The following CASR variants were observed in gnomAD, a reference collection of about 807,000 sequenced individuals.
CASR encodes the protein calcium sensing receptor.
In CASR, 23 loss-of-function variants were observed where a neutral mutation model predicts 69.1. That is an observed-to-expected ratio of 0.33 (90% CI 0.24 to 0.47). The LOEUF is 0.47. Ranked by LOEUF, CASR falls within the 20% of genes least tolerant of loss-of-function variation. The pLI, the probability that CASR is intolerant of heterozygous loss-of-function variation, is 1.00. For synonymous variants in CASR, 541 were observed against 544.7 expected (o/e 0.99, Z 0.10); for missense variants, 924 against 1,356.1 (o/e 0.68, Z 5.00).
intron 5 of CASR, 24 bp downstream of exon 5, chr3:122,276,066 C>T (rs2074816702): frequency 6.9e-7 from 1 of 1,445,338 alleles, no homozygotes; most frequent in African/African-American, 1.4e-5. Context: ...ATCAGAAAAC[C>T]AGATGTCTCC....
chr3:122,254,091 G>T lies in CASR; in HGVS notation c.-99G>T. On this transcript the variant is annotated 5_prime_UTR_variant, in exon 2 of 7. Coordinates refer to ENST00000639785, the MANE Select transcript of CASR (RefSeq NM_000388.4). ...TTTATTAATCAATCTGTAGACATGT[G>T]TCCCCACTGCAGGGAGTGAACTGCT... 1 of 986,608 alleles carries T rather than the reference G, an allele frequency of 1.0e-6. No homozygotes were observed. 61.1% of individuals were successfully genotyped at this position (986,608 alleles called of 1,614,324 possible).
In CASR at chr3:122,284,028, A is replaced by G; in HGVS notation, c.2074A>G (p.Ile692Val). Residue 692 changes from isoleucine to valine, a missense_variant, in exon 7 of 7, where the codon ATC (isoleucine) becomes GTC (valine). Physicochemically the swap from Ile to Val is conservative, Grantham distance 29. This residue lies in a region of CASR where 184 missense variants were observed against 278.8 expected (regional missense o/e 0.66). Coordinates refer to ENST00000639785, the MANE Select transcript of CASR (RefSeq NM_000388.4). ...CTTTGGCATCAGCTTCGTGCTCTGC[A>G]TCTCATGCATCCTGGTGAAAACCAA... ...PAFGISFVLCISCILVKTNRV... is the reference protein window; with the variant it reads ...PAFGISFVLCVSCILVKTNRV... 3 of 1,614,108 alleles carry G rather than the reference A, an allele frequency of 1.9e-6. No individual in the cohort carries two copies. Among genetic ancestry groups the G allele is most frequent in the Non-Finnish European group, 2.5e-6 (3 of 1,180,004 alleles).
intron 5 of CASR, 86 bp downstream of exon 5, chr3:122,276,128 C>A: frequency 1.2e-6 from 1 of 859,076 alleles, no homozygotes; most frequent in East Asian, 2.5e-5. Context: ...GGTTTCCCCA[C>A]TGGACTTCCA....
At chr3:122,254,470 AT>A in intron 2 of CASR, 96 bp downstream of exon 2, 1 of 1,261,620 alleles carries the variant, frequency 7.9e-7, no homozygotes, top group Non-Finnish European at 1.1e-6. Context: ...ACTTTGTCCT[AT>A]CTTTTCAAGA....
At chr3:122,234,861 C>A (rs567992804) in intron 1 of CASR, among the ~76,000 whole-genome samples, 2 of 152,238 alleles carry the variant, frequency 1.3e-5, no homozygotes, top group African/African-American at 4.8e-5. Context: ...CTCATAGAGA[C>A]AACTGAATGT....
chr3:122,240,497 A>G (rs1262835473), intron 1 of CASR, among the ~76,000 whole-genome samples: 1 of 152,210 alleles, frequency 6.6e-6, no homozygotes, highest in East Asian at 1.9e-4. Context: ...ACAATTTTAA[A>G]TATATATGCA....
intron 1 of CASR, among the ~76,000 whole-genome samples, chr3:122,231,374 T>G (rs2074276708): frequency 6.6e-6 from 1 of 152,226 alleles, no homozygotes; most frequent in South Asian, 2.1e-4. Context: ...AGGCACTGTT[T>G]GGGAAGAGAG....
intron 1 of CASR, among the ~76,000 whole-genome samples, chr3:122,242,904 C>A (rs914155970): frequency 2.6e-5 from 4 of 152,054 alleles, no homozygotes; most frequent in African/African-American, 9.7e-5. Context: ...GACAAAGGTG[C>A]CAAGAACATG....
intron 1 of CASR, among the ~76,000 whole-genome samples, chr3:122,210,726 A>G (rs1421622440): frequency 2.0e-5 from 3 of 152,200 alleles, no homozygotes; most frequent in African/African-American, 7.2e-5. Context: ...ACAGAATTAG[A>G]AAAAACCACT....
At chr3:122,277,048 C>CT (rs11341423) in intron 5 of CASR, among the ~76,000 whole-genome samples, 1,510 of 129,476 alleles carry the variant, frequency 0.012, 19 homozygotes, top group East Asian at 0.04. Flanking sequence ...GACCACTTTT[C>CT]TTTTTTTTTT....
chr3:122,284,150 C>A lies in CASR; in HGVS notation c.2196C>A (p.Thr732=). ...NLQFLLVFLC[T]FMQIVICVIW... The stretch of plus-strand genomic sequence containing the variant: ...AGTTCCTGCTGGTTTTCCTCTGCAC[C>A]TTCATGCAGATTGTCATCTGTGTGA... Residue 732 remains threonine (T), a synonymous_variant, in exon 7 of 7, where the codon ACC becomes ACA. Transcript: ENST00000639785. 1 of 1,613,540 alleles carries A rather than the reference C, an allele frequency of 6.2e-7. No individual in the cohort carries two copies.
At position 122,284,212 on chromosome 3, in the gene CASR, A is replaced by T; in HGVS notation, c.2258A>T (p.Asn753Ile). ...LYTAPPSSYRNQELEDEIIFI... is the reference protein window; with the variant it reads ...LYTAPPSSYRIQELEDEIIFI... ...ACCGCGCCCCCGTCAAGCTACCGCAACCAGGAGCTGGAGGATGAGATCATC... is the reference window on the plus strand; with the variant it reads ...ACCGCGCCCCCGTCAAGCTACCGCATCCAGGAGCTGGAGGATGAGATCATC... Residue 753 changes from asparagine to isoleucine, a missense_variant, in exon 7 of 7, where the codon AAC (asparagine) becomes ATC (isoleucine). By Grantham distance (149) the Asn-to-Ile change is moderately radical (BLOSUM62 -3). Transcript: ENST00000639785. The T allele has an allele frequency of 6.2e-7, 1 of 1,614,070 alleles. No individual in the cohort carries two copies. Among genetic ancestry groups the T allele is most frequent in the South Asian group, 1.1e-5 (1 of 91,078 alleles).
intron 1 of CASR, among the ~76,000 whole-genome samples, chr3:122,249,577 T>C (rs550013002): frequency 7.9e-5 from 12 of 152,260 alleles, no homozygotes; most frequent in Non-Finnish European, 1.5e-4. Flanking sequence ...CTGTCCGTAC[T>C]GAAACACTCC....
At chr3:122,233,586 G>T (rs1039108851) in intron 1 of CASR, among the ~76,000 whole-genome samples, 4 of 152,198 alleles carry the variant, frequency 2.6e-5, no homozygotes, top group African/African-American at 9.7e-5. Flanking sequence ...ATGTGGGAAC[G>T]GAATTAAAAC....
Position 122,252,362 on chromosome 3 carries a change from A to AAGGAAGGAAG in CASR, c.-242-1586_-242-1585insAGGAAGGAAG, listed in dbSNP as rs2074495084. ...AAAGAAAGAAGAAAGAAAGAAAGAA[A>AAGGAAGGAAG]GAAGGAAGGAAGGAAGGAAGGAAGG... On this transcript the variant is annotated intron_variant, in intron 1 of 6. Coordinates refer to ENST00000639785, the MANE Select transcript of CASR (RefSeq NM_000388.4). Among the ~76,000 whole-genome samples, 8 of 26,258 alleles carry AAGGAAGGAAG rather than the reference A, an allele frequency of 3.0e-4. 1 individual carries two copies. The highest frequency in any genetic ancestry group is 1.2e-3 in the East Asian group (1 of 834). 17.2% of individuals were successfully genotyped at this position (26,258 alleles called of 152,430 possible).
chr3:122,233,692 G>A (rs867082002), intron 1 of CASR, among the ~76,000 whole-genome samples: 5 of 152,104 alleles, frequency 3.3e-5, no homozygotes, highest in Admixed American at 6.5e-5. Context: ...CTACTTGGGC[G>A]GTTGTGGTAT....
At chr3:122,246,379 A>G (rs1276986367) in intron 1 of CASR, 2 of 152,214 alleles carry the variant, frequency 1.3e-5, no homozygotes, top group Non-Finnish European at 2.9e-5. Context: ...AAATATGTGC[A>G]AGAATTTAAA....
chr3:122,192,635 G>A (rs2073850085), intron 1 of CASR, among the ~76,000 whole-genome samples: 1 of 152,212 alleles, frequency 6.6e-6, no homozygotes. Flanking sequence ...GCAGGTATAT[G>A]TATTTTGAAC....
At chr3:122,222,010 C>T (rs2074176427) in intron 1 of CASR, among the ~76,000 whole-genome samples, 2 of 152,172 alleles carry the variant, frequency 1.3e-5, no homozygotes, top group African/African-American at 4.8e-5. Flanking sequence ...GCCTTCCTGC[C>T]CTAGCATATT....
Sources: gnomAD v4.1 joint callset for allele counts (sites outside exome capture counted in the v4.1 genomes callset) on GRCh38, gnomAD v4.1.1 for gene constraint, gnomAD v4.1.1 regional missense constraint, MANE v1.5 for transcripts, NCBI Gene and HGNC (gene_info 2026-07-23, HGNC 2026-07-21) for gene names.